MARCHF11: variants seen among roughly 807,000 people sequenced by gnomAD.
MARCHF11 encodes membrane associated ring-CH-type finger 11.
In MARCHF11, 29 loss-of-function variants were observed where a neutral mutation model predicts 37.3. The ratio of observed to expected loss-of-function variants is 0.78; its 90% CI spans 0.58 to 1.06. MARCHF11 has a LOEUF of 1.06. Ranked by LOEUF, MARCHF11 falls within the 50% of genes least tolerant of loss-of-function variation. MARCHF11 has a pLI of 0.00. For missense variants in MARCHF11, 482 were observed against 533.4 expected (o/e 0.90, Z 0.95); for synonymous variants, 233 against 228.0 (o/e 1.02, Z -0.20).
At chr5:16,100,979 C>A (rs1489779829) in intron 2 of MARCHF11, among the ~76,000 whole-genome samples, 1 of 151,756 alleles carries the variant, frequency 6.6e-6, no homozygotes, top group African/African-American at 2.4e-5. Flanking sequence ...TTAACAGGAG[C>A]AACAACTATT....
intron 2 of MARCHF11, among the ~76,000 whole-genome samples, chr5:16,166,951 GGAACGTACAACGATGTTCATTTACTTAT>G (rs1227335927): frequency 4.3e-5 from 6 of 140,344 alleles, no homozygotes; most frequent in Non-Finnish European, 6.1e-5. Flanking sequence ...ATGAGTGTGA[GGAACGTACAACGATGTTCATTTACTTAT>G]GAACATACAA....
At chr5:16,090,253 T>C (rs1267123858) in intron 3 of MARCHF11, among the ~76,000 whole-genome samples, 1 of 152,172 alleles carries the variant, frequency 6.6e-6, no homozygotes, top group Non-Finnish European at 1.5e-5. Context: ...CTCACAGTAC[T>C]AGGGAACAAC....
intron 2 of MARCHF11, among the ~76,000 whole-genome samples, chr5:16,115,041 G>A (rs113663619): frequency 0.012 from 1,765 of 151,206 alleles, 24 homozygotes; most frequent in African/African-American, 0.019. Flanking sequence ...ATCTTTTTGC[G>A]GTAAAAAAAA....
intron 2 of MARCHF11, among the ~76,000 whole-genome samples, chr5:16,169,147 CAG>C (rs1489806914): frequency 1.3e-5 from 2 of 151,968 alleles, no homozygotes; most frequent in Non-Finnish European, 2.9e-5. Context: ...TTCTATAGCT[CAG>C]AGTCATGACA....
intron 2 of MARCHF11, among the ~76,000 whole-genome samples, chr5:16,124,345 T>C (rs541434863): frequency 1.3e-5 from 2 of 152,282 alleles, no homozygotes; most frequent in South Asian, 2.1e-4. Flanking sequence ...ACCGGGATTG[T>C]TGGATAAACT....
At chr5:16,159,075 A>G (rs1442363240) in intron 2 of MARCHF11, among the ~76,000 whole-genome samples, 2 of 152,016 alleles carry the variant, frequency 1.3e-5, no homozygotes, top group Non-Finnish European at 2.9e-5. Context: ...TGTTGCACAT[A>G]GCAAATAAAT....
intron 2 of MARCHF11, among the ~76,000 whole-genome samples, chr5:16,126,890 T>C (rs573780071): frequency 2.6e-4 from 39 of 152,280 alleles, no homozygotes; most frequent in African/African-American, 9.4e-4. Flanking sequence ...TTAGAAGAAG[T>C]CAAATTAACA....
intron 2 of MARCHF11, among the ~76,000 whole-genome samples, chr5:16,096,544 C>T (rs1736872284): frequency 6.6e-6 from 1 of 152,164 alleles, no homozygotes; most frequent in South Asian, 2.1e-4. Flanking sequence ...GTGGAGTATT[C>T]TCCATGAGAA....
chr5:16,175,762 G>C (rs989320281), intron 2 of MARCHF11, among the ~76,000 whole-genome samples: 6 of 152,182 alleles, frequency 3.9e-5, no homozygotes, highest in East Asian at 3.8e-4. Context: ...ATCTGACGTA[G>C]TCCTGGAAAG....
At chr5:16,141,800 A>C (rs2126592127) in intron 2 of MARCHF11, among the ~76,000 whole-genome samples, 1 of 152,362 alleles carries the variant, frequency 6.6e-6, no homozygotes, top group South Asian at 2.1e-4. Context: ...AGAACACTAC[A>C]TGCTGACCCT....
intron 2 of MARCHF11, among the ~76,000 whole-genome samples, chr5:16,176,818 C>T (rs577889621): frequency 3.9e-5 from 6 of 151,970 alleles, no homozygotes; most frequent in African/African-American, 1.2e-4. Flanking sequence ...ATTACTTTTC[C>T]CCCTCCCAAC....
chr5:16,155,602 A>G (rs1345224108), intron 2 of MARCHF11, among the ~76,000 whole-genome samples: 2 of 151,812 alleles, frequency 1.3e-5, no homozygotes, highest in Non-Finnish European at 2.9e-5. Flanking sequence ...CCATTTTCCT[A>G]AACTGATTTA....
chr5:16,088,594 A>G (rs997717437), intron 3 of MARCHF11, among the ~76,000 whole-genome samples: 7 of 152,302 alleles, frequency 4.6e-5, no homozygotes, highest in Non-Finnish European at 8.8e-5. Flanking sequence ...CTGCAATCCA[A>G]TTGGCTATTG....
chr5:16,144,429 C>T (rs1362362602), intron 2 of MARCHF11, among the ~76,000 whole-genome samples: 2 of 152,182 alleles, frequency 1.3e-5, no homozygotes, highest in African/African-American at 4.8e-5. Flanking sequence ...GCCCTCCTCT[C>T]TTTCTAACAG....
At chr5:16,141,267 T>A (rs1328579636) in intron 2 of MARCHF11, 1 of 152,106 alleles carries the variant, frequency 6.6e-6, no homozygotes, top group Non-Finnish European at 1.5e-5. Context: ...ATTTACTGAG[T>A]GTCTCTGTGG....
At chr5:16,094,301 C>T (rs1176670088) in intron 2 of MARCHF11, among the ~76,000 whole-genome samples, 2 of 152,158 alleles carry the variant, frequency 1.3e-5, no homozygotes, top group Non-Finnish European at 2.9e-5. Flanking sequence ...TGGGTTCAGC[C>T]TGAAGGAGCT....
chr5:16,084,574 T>C (rs1001172278), intron 3 of MARCHF11, among the ~76,000 whole-genome samples: 6 of 151,558 alleles, frequency 4.0e-5, no homozygotes, highest in Admixed American at 6.6e-5. Flanking sequence ...ACCCAGGAGA[T>C]GGATGTTGCA....
intron 2 of MARCHF11, among the ~76,000 whole-genome samples, chr5:16,146,589 A>G (rs1737799168): frequency 6.6e-6 from 1 of 152,144 alleles, no homozygotes. Flanking sequence ...TTTGGAGTAT[A>G]TGATGTCTAA....
chr5:16,126,437 T>G (rs903515562), intron 2 of MARCHF11, among the ~76,000 whole-genome samples: 1 of 152,254 alleles, frequency 6.6e-6, no homozygotes, highest in Non-Finnish European at 1.5e-5. Flanking sequence ...AATTATTTTG[T>G]ACTTTATTCC....
Sources: allele counts gnomAD v4.1 joint callset (sites outside exome capture counted in the v4.1 genomes callset), GRCh38; gene constraint gnomAD v4.1.1; transcripts MANE v1.5; gene names NCBI Gene and HGNC (gene_info 2026-07-23, HGNC 2026-07-21).